Variants in KCTD1 observed in about 807,000 individuals in gnomAD.
KCTD1 encodes potassium channel tetramerization domain containing 1, also known as BTB/POZ domain-containing protein KCTD1.
A neutral mutation model predicts 66.0 loss-of-function variants in KCTD1; 24 were observed. That is an observed-to-expected ratio of 0.36 (90% CI 0.26 to 0.51). KCTD1 has a LOEUF of 0.51. Ranked by LOEUF, KCTD1 falls within the 20% of genes least tolerant of loss-of-function variation. The pLI is 0.95. For missense variants in KCTD1, 943 were observed against 1,205.2 expected, an observed-to-expected ratio of 0.78 and a Z score of 3.22; for synonymous variants, 511 against 517.2, an observed-to-expected ratio of 0.99 and a Z score of 0.16.
At chr18:26,656,592 G>A (rs1410512696) in intron 1 of KCTD1, among the ~76,000 whole-genome samples, 1 of 151,256 alleles carries the variant, frequency 6.6e-6, no homozygotes, top group South Asian at 2.1e-4. Context: ...GGAGCGGCGT[G>A]GTCCGGCCCG....
chr18:26,533,650 C>T (rs1437027123), intron 1 of KCTD1, among the ~76,000 whole-genome samples: 1 of 151,980 alleles, frequency 6.6e-6, no homozygotes, highest in South Asian at 2.1e-4. Flanking sequence ...AGGCATGTGC[C>T]ACCATGCTGG....
At chr18:26,599,148 CT>C (rs1456723450) in intron 1 of KCTD1, among the ~76,000 whole-genome samples, 5 of 152,056 alleles carry the variant, frequency 3.3e-5, no homozygotes, top group African/African-American at 1.2e-4. Flanking sequence ...TAGTTATGAT[CT>C]TTTTTTGTAT....
At chr18:26,558,176 C>A (rs1020377945) in intron 1 of KCTD1, among the ~76,000 whole-genome samples, 30 of 152,184 alleles carry the variant, frequency 2.0e-4, no homozygotes, top group African/African-American at 7.2e-4. Context: ...AGAAGACATA[C>A]AAATGGCAAA....
At position 26,617,105 on chromosome 18, in the gene KCTD1, T is replaced by A. The variant is rs1987272280; in HGVS notation, c.-16+12042A>T. On this transcript the variant is annotated intron_variant, in intron 1 of 4. Transcript: ENST00000317932. The stretch of plus-strand genomic sequence containing the variant: ...AGTAAGGAAGAGAAAGGGGTGGGAA[T>A]TGCTGGGTATGTCTTGCTCTGCTCA... 3.3e-5 allele frequency among the ~76,000 whole-genome samples: 5 copies of A among 152,334 alleles called. No individual in the cohort carries two copies. In the South Asian group the frequency reaches 1.0e-3, roughly 32 times the overall value.
At chr18:26,635,005 A>C (rs521017) in intron 1 of KCTD1, among the ~76,000 whole-genome samples, 1 of 152,248 alleles carries the variant, frequency 6.6e-6, no homozygotes, top group African/African-American at 2.4e-5. Flanking sequence ...AAAATTAATG[A>C]TAAAAATCCA....
At chr18:26,646,599 T>C (rs1336482785) in intron 1 of KCTD1, among the ~76,000 whole-genome samples, 3 of 152,154 alleles carry the variant, frequency 2.0e-5, no homozygotes, top group African/African-American at 7.2e-5. Context: ...ACACTTCAAC[T>C]GTACAATGAA....
intron 1 of KCTD1, among the ~76,000 whole-genome samples, chr18:26,542,485 A>G (rs1449071412): frequency 1.3e-5 from 2 of 152,356 alleles, no homozygotes; most frequent in East Asian, 3.8e-4. Flanking sequence ...GAACTCCTGT[A>G]TCGATTCTGC....
chr18:26,643,765 A>T (rs142642493), upstream of KCTD1, among the ~76,000 whole-genome samples: 1,533 of 152,290 alleles, frequency 0.01, 11 homozygotes, highest in South Asian at 0.018. Flanking sequence ...GATGGAGACC[A>T]TCCTGGCTAA....
At chr18:26,653,250 C>T (rs1415854400) in intron 1 of KCTD1, among the ~76,000 whole-genome samples, 1 of 152,212 alleles carries the variant, frequency 6.6e-6, no homozygotes, top group Non-Finnish European at 1.5e-5. Context: ...CTGCTTCCTC[C>T]GTCTCTTACT....
intron 1 of KCTD1, among the ~76,000 whole-genome samples, chr18:26,602,150 G>T (rs1424003866): frequency 6.6e-6 from 1 of 152,112 alleles, no homozygotes; most frequent in Non-Finnish European, 1.5e-5. Context: ...TTATTGGGTT[G>T]AGGAAGTTAT....
At chr18:26,487,185 G>T (rs1252564235) in intron 2 of KCTD1, among the ~76,000 whole-genome samples, 1 of 152,122 alleles carries the variant, frequency 6.6e-6, no homozygotes, top group African/African-American at 2.4e-5. Context: ...TGAATGAAAA[G>T]GAATGAATTA....
At chr18:26,613,030 T>C (rs1987170297) in intron 1 of KCTD1, among the ~76,000 whole-genome samples, 1 of 152,162 alleles carries the variant, frequency 6.6e-6, no homozygotes, top group Admixed American at 6.5e-5. Context: ...TATGTTTCAG[T>C]TTGCCAATGG....
chr18:26,547,027 G>A lies in KCTD1; in HGVS notation c.1510C>T (p.Arg504Cys), dbSNP rs1567988558. The A allele has an allele frequency of 2.0e-6, 3 of 1,484,910 alleles. No homozygotes were observed. The highest frequency in any genetic ancestry group is 2.7e-6 in the Non-Finnish European group (3 of 1,114,840). 92.0% of individuals were successfully genotyped at this position (1,484,910 alleles called of 1,614,324 possible). ...TTCCCCAGCGAGGGCGGCTGGGGGC[G>A]GTGGTGGTGGGAGGGATGGGTGGGG... is the stretch of plus-strand genomic sequence containing the variant. Reference protein sequence around the residue: ...HPPTHPSHHHRPQPPSLGNTY... With the variant: ...HPPTHPSHHHCPQPPSLGNTY... Residue 504 changes from arginine to cysteine, a missense_variant, in exon 1 of 5, where the codon CGC becomes TGC. This residue lies in a region of KCTD1 where 197 missense variants were observed against 182.7 expected (regional missense o/e 1.08). Coordinates refer to ENST00000580059, the MANE Select transcript of KCTD1 (RefSeq NM_001142730.3).
chr18:26,488,269 C>G (rs1274835296), intron 2 of KCTD1, among the ~76,000 whole-genome samples: 3 of 152,000 alleles, frequency 2.0e-5, no homozygotes, highest in Non-Finnish European at 4.4e-5. Context: ...GAATTCCACC[C>G]TTAATGCCAT....
Position 26,547,929 on chromosome 18 carries a change from GC to G in KCTD1, c.607del (p.Ala203ArgfsTer59), listed in dbSNP as rs1288558172. On this transcript the variant is annotated frameshift_variant, in exon 1 of 5. Coordinates refer to ENST00000580059, the MANE Select transcript of KCTD1 (RefSeq NM_001142730.3). LOFTEE classifies it high-confidence loss of function. ...GAAGGAGCGCAGCACGCGGCACAGC[GC>G]CCCCTTGTCCATGGTCTCGAAGTCC... ...SPDFETMDKG[A>X]LCRVLRSFYA... is the part of the protein sequence containing the mutation. The G allele has an allele frequency of 6.5e-7, 1 of 1,543,596 alleles. No homozygotes were observed.
At chr18:26,575,625 G>C (rs745710666) in intron 1 of KCTD1, 5 of 152,214 alleles carry the variant, frequency 3.3e-5, no homozygotes, top group Non-Finnish European at 7.3e-5. Flanking sequence ...CAGCTAGAAA[G>C]GGAAAGCCTT....
At chr18:26,481,135 T>G (rs536035870) in intron 2 of KCTD1, among the ~76,000 whole-genome samples, 1 of 152,320 alleles carries the variant, frequency 6.6e-6, no homozygotes, top group East Asian at 1.9e-4. Flanking sequence ...GGGGGCTCAC[T>G]ATGCCAGATA....
At chr18:26,624,175 T>C (rs889901984) in intron 1 of KCTD1, among the ~76,000 whole-genome samples, 7 of 152,226 alleles carry the variant, frequency 4.6e-5, no homozygotes, top group African/African-American at 1.7e-4. Context: ...CATAAAAGTT[T>C]GGAAAATTTG....
At chr18:26,487,714 C>T (rs1332830925) in intron 2 of KCTD1, among the ~76,000 whole-genome samples, 1 of 152,196 alleles carries the variant, frequency 6.6e-6, no homozygotes, top group Non-Finnish European at 1.5e-5. Context: ...ATTGTCTACG[C>T]CCTTCTGGGC....
Sources: gnomAD v4.1 joint callset for allele counts (sites outside exome capture counted in the v4.1 genomes callset) on GRCh38, gnomAD v4.1.1 for gene constraint, gnomAD v4.1.1 regional missense constraint, MANE v1.5 for transcripts, NCBI Gene and HGNC (gene_info 2026-07-23, HGNC 2026-07-21) for gene names.